The following MAP7D1 variants were observed in gnomAD, a reference collection of about 807,000 sequenced individuals.
MAP7D1 encodes the protein MAP7 domain containing 1.
In MAP7D1, 30 loss-of-function variants were observed where a neutral mutation model predicts 97.5. The ratio of observed to expected loss-of-function variants is 0.31; its 90% confidence interval spans 0.23 to 0.42. MAP7D1 has a LOEUF of 0.42. Among genes scored for constraint, MAP7D1 ranks in the 10% least tolerant of loss-of-function variants. The probability of loss-of-function intolerance (pLI) is 1.00; values close to 1 mark genes in which losing one functional copy is unlikely to be tolerated. For missense variants in MAP7D1, 1,184 were observed against 1,179.5 expected (o/e 1.00, Z -0.06); for synonymous variants, 536 against 477.1 (o/e 1.12, Z -1.61).
In MAP7D1 at chr1:36,161,862, CAT is replaced by C. The variant is rs1491115139; in HGVS notation, c.46+5400_46+5401del. 7.2e-3 allele frequency among the ~76,000 whole-genome samples: 969 copies of C among 133,848 alleles called. 13 individuals are homozygous for C. The highest frequency in any genetic ancestry group is 0.026 in the African/African-American group (870 of 33,762). 87.8% of individuals were successfully genotyped at this position (133,848 alleles called of 152,430 possible). ...AATCCCAGTAAGTCTGTTTCCTCTG[CAT>C]GTGTGTGTGTGTATGTGTGTGTGTG... On this transcript the variant is annotated intron_variant, in intron 1 of 16. Transcript: ENST00000474796.
At position 36,179,588 on chromosome 1, in the gene MAP7D1, C is replaced by T. The variant is rs1644687411; in HGVS notation, c.2227+31C>T. ...GCCCCCATTCCTCTCGCCTCCCTTCCCTTTGCCATCCTCCTCCTCCTCCAT... is the reference window on the plus strand; with the variant it reads ...GCCCCCATTCCTCTCGCCTCCCTTCTCTTTGCCATCCTCCTCCTCCTCCAT... On this transcript the variant is annotated intron_variant, in intron 14 of 16. Transcript: ENST00000474796. The T allele has an allele frequency of 5.1e-6, 8 of 1,555,258 alleles. No individual in the cohort carries two copies. In the East Asian group the frequency reaches 1.2e-4, roughly 23 times the overall value.
Position 36,180,435 on chromosome 1 carries a change from G to T in MAP7D1, c.*177G>T, listed in dbSNP as rs900414977. 2 of 822,492 alleles carry T rather than the reference G, an allele frequency of 2.4e-6. No homozygotes were observed. The highest frequency in any genetic ancestry group is 3.4e-5 in the African/African-American group (2 of 58,944). 50.9% of individuals were successfully genotyped at this position (822,492 alleles called of 1,614,324 possible). ...ACTGATGTCTCTTTGGCCGGAGCCA[G>T]ATCTGCCCCTCAGTGCATTCGTGTG... On this transcript the variant is annotated 3_prime_UTR_variant, in exon 17 of 17. Transcript: ENST00000474796.
At chr1:36,173,776 A>G (rs1050603740) in intron 5 of MAP7D1, among the ~76,000 whole-genome samples, 1 of 152,172 alleles carries the variant, frequency 6.6e-6, no homozygotes, top group Non-Finnish European at 1.5e-5. Flanking sequence ...AAAGACTTTA[A>G]TGACCTACAG....
chr1:36,180,497 C>G lies in MAP7D1; in HGVS notation c.*239C>G. ...AGACATCCCTTCTCCCCCATACACACATATACACTCACAGCCTCTCTGGCC... is the reference window on the plus strand; with the variant it reads ...AGACATCCCTTCTCCCCCATACACAGATATACACTCACAGCCTCTCTGGCC... On this transcript the variant is annotated 3_prime_UTR_variant, in exon 17 of 17. Coordinates refer to ENST00000474796, the MANE Select transcript of MAP7D1 (RefSeq NM_001388490.1). The G allele has an allele frequency of 1.7e-6, 1 of 584,922 alleles. No homozygotes were observed. Among genetic ancestry groups the G allele is most frequent in the Non-Finnish European group, 3.1e-6 (1 of 327,738 alleles). 36.2% of individuals were successfully genotyped at this position (584,922 alleles called of 1,614,324 possible). A position where few individuals can be genotyped will look rare whatever the true frequency, so the allele number is the denominator to read the frequency against.
intron 1 of MAP7D1, among the ~76,000 whole-genome samples, chr1:36,166,787 A>C (rs1362542388): frequency 6.6e-6 from 1 of 152,194 alleles, no homozygotes; most frequent in Non-Finnish European, 1.5e-5. Context: ...ATCAGAGCTG[A>C]TAGTAGCTCT....
intron 5 of MAP7D1, among the ~76,000 whole-genome samples, chr1:36,174,378 A>T (rs567001181): frequency 6.6e-6 from 1 of 152,172 alleles, no homozygotes; most frequent in Admixed American, 6.5e-5. Context: ...GTCTGCACAC[A>T]TGTGTGCATG....
intron 4 of MAP7D1, among the ~76,000 whole-genome samples, chr1:36,173,051 C>A (rs567360293): frequency 1.3e-5 from 2 of 152,328 alleles, no homozygotes; most frequent in Middle Eastern, 3.4e-3. Flanking sequence ...AGGTCAGGAC[C>A]CTCAGTGCCT....
Position 36,180,038 on chromosome 1 carries a change from A to C in MAP7D1, c.2483A>C (p.Lys828Thr), listed in dbSNP as rs1476339141. 6.2e-7 allele frequency: 1 copy of C among 1,614,096 alleles called. No homozygotes were observed. Residue 828 changes from lysine to threonine, a missense_variant, in exon 16 of 17, where the codon AAA becomes ACA. Coordinates refer to ENST00000474796, the MANE Select transcript of MAP7D1 (RefSeq NM_001388490.1). ...PFAEAEAFLKKAVVQSPQVTE... is the reference protein window; with the variant it reads ...PFAEAEAFLKTAVVQSPQVTE... ...GCAGAGGCAGAAGCCTTCCTCAAGA[A>C]AGCTGTGGTGCAGTCCCCGCAGGTC...
chr1:36,156,525 G>A (rs1475664807), intron 1 of MAP7D1, 62 bp downstream of exon 1: 3 of 1,302,354 alleles, frequency 2.3e-6, no homozygotes, highest in East Asian at 3.1e-5. Flanking sequence ...GGGCGGCCGA[G>A]GATGAGGCCG....
At chr1:36,175,634 C>T (rs1344397501) in intron 6 of MAP7D1, among the ~76,000 whole-genome samples, 2 of 152,214 alleles carry the variant, frequency 1.3e-5, no homozygotes, top group Non-Finnish European at 2.9e-5. Context: ...TGCCTAGCAA[C>T]CAAATCAGCT....
At chr1:36,163,345 T>G (rs1374364294) in intron 1 of MAP7D1, among the ~76,000 whole-genome samples, 1 of 152,196 alleles carries the variant, frequency 6.6e-6, no homozygotes, top group Non-Finnish European at 1.5e-5. Context: ...GATATTAGTG[T>G]AGCAAAATAA....
chr1:36,160,548 A>C (rs1321201042), intron 1 of MAP7D1, among the ~76,000 whole-genome samples: 1 of 152,232 alleles, frequency 6.6e-6, no homozygotes. Context: ...AGTAGGGACT[A>C]GCATTATCCC....
chr1:36,161,863 ATG>A (rs371183852), intron 1 of MAP7D1, among the ~76,000 whole-genome samples: 40 of 137,932 alleles, frequency 2.9e-4, no homozygotes, highest in African/African-American at 9.9e-4. Context: ...TTTCCTCTGC[ATG>A]TGTGTGTGTG....
Position 36,156,302 on chromosome 1 carries a change from G to C in MAP7D1, c.-116G>C. The C allele has an allele frequency of 1.2e-6, 1 of 850,280 alleles. No individual in the cohort carries two copies. The highest frequency in any genetic ancestry group is 1.6e-6 in the Non-Finnish European group (1 of 616,280). The allele number at this position is 850,280 out of a possible 1,614,324, so 52.7% of individuals were successfully genotyped here. On this transcript the variant is annotated 5_prime_UTR_variant, in exon 1 of 17. Coordinates refer to ENST00000474796, the MANE Select transcript of MAP7D1 (RefSeq NM_001388490.1). ...CCCGGAGCGCCCCCGCCTCCGAGTC[G>C]CTACTTGCCGGGCCGGGCCGGGCCG...
rs764572584 is a variant in MAP7D1 at position 36,171,144 on chromosome 1, C to A, written c.220C>A (p.Gln74Lys). The A allele has an allele frequency of 3.1e-6, 5 of 1,613,966 alleles. No homozygotes were observed. In the African/African-American group the frequency reaches 5.3e-5, roughly 17 times the overall value. The change falls in exon 2 of 17, where the codon CAG becomes AAG. Residue 74 changes from glutamine (Q) to lysine (K), a missense_variant. By Grantham distance (53) the Gln-to-Lys change is moderately conservative. Transcript: ENST00000474796. ...ACTGGAACCAGAGAGCCCCTCAGGG[C>A]AGGTCGGGCCTAGGCCAGCCCCCCC... ...LPLEPESPSG[Q>K]VGPRPAPPQE...
chr1:36,179,190 C>T (rs906053466), intron 12 of MAP7D1, 72 bp from the exon 13 acceptor site: 3 of 1,568,182 alleles, frequency 1.9e-6, no homozygotes, highest in Admixed American at 1.7e-5. Flanking sequence ...ACTCCGAGGC[C>T]GGGTCTGGCT....
In MAP7D1 at chr1:36,173,269, G is replaced by A. The variant is rs557893359; in HGVS notation, c.625-95G>A. On this transcript the variant is annotated intron_variant, in intron 4 of 16. Transcript: ENST00000474796. ...GAAAAGACTCCAAGGGAAGGGAGTG[G>A]GGGAGGCATTGTCACAGGAGGAAGA... 35 of 856,368 alleles carry A rather than the reference G, an allele frequency of 4.1e-5. No homozygotes were observed. In the African/African-American group the frequency reaches 5.9e-4, roughly 14 times the overall value. 53.0% of individuals were successfully genotyped at this position (856,368 alleles called of 1,614,324 possible). A position where few individuals can be genotyped will look rare whatever the true frequency, so the allele number is the denominator to read the frequency against.
intron 3 of MAP7D1, chr1:36,172,240 A>G: frequency 2.5e-6 from 1 of 394,966 alleles, no homozygotes; most frequent in Non-Finnish European, 4.5e-6. Flanking sequence ...CAGCCCTGAG[A>G]GCCCATAAGG....
At chr1:36,174,370 C>G (rs1355074993) in intron 5 of MAP7D1, among the ~76,000 whole-genome samples, 1 of 152,232 alleles carries the variant, frequency 6.6e-6, no homozygotes, top group Non-Finnish European at 1.5e-5. Context: ...CTGTGCATGT[C>G]TGCACACATG....
Sources: gnomAD v4.1 joint callset for allele counts (sites outside exome capture counted in the v4.1 genomes callset) on GRCh38, gnomAD v4.1.1 for gene constraint, MANE v1.5 for transcripts, NCBI Gene and HGNC (gene_info 2026-07-23, HGNC 2026-07-21) for gene names.